The following CCDC66 variants were observed in gnomAD, a reference collection of about 807,000 sequenced individuals.
The protein encoded by CCDC66 is coiled-coil domain-containing protein 66.
A neutral mutation model predicts 128.3 loss-of-function variants in CCDC66; 133 were observed. That is an observed-to-expected ratio of 1.04 (90% CI 0.90 to 1.20). The LOEUF is 1.20. Among genes scored for constraint, CCDC66 ranks in the 50% most tolerant of loss-of-function variants. CCDC66 has a pLI of 0.00. For synonymous variants in CCDC66, 387 were observed against 357.0 expected, an observed-to-expected ratio of 1.08 and a Z score of -0.95; for missense variants, 1,126 against 1,075.5, an observed-to-expected ratio of 1.05 and a Z score of -0.66.
chr3:56,593,766 T>C, intron 9 of CCDC66, 25 bp downstream of exon 9: 1 of 1,603,364 alleles, frequency 6.2e-7, no homozygotes. Context: ...ATGTATTTAT[T>C]GACTTTTCAG....
At chr3:56,557,803 G>C (rs1410580549) in intron 1 of CCDC66, 1 of 152,816 alleles carries the variant, frequency 6.5e-6, no homozygotes, top group Non-Finnish European at 1.5e-5. Context: ...TTCATCACTC[G>C]CAAGTTTGAT....
At position 56,619,253 on chromosome 3, in the gene CCDC66, TA is replaced by T. The variant is rs774661642; in HGVS notation, c.2379-17del. 6.5e-7 allele frequency: 1 copy of T among 1,530,944 alleles called. No individual in the cohort carries two copies. Among genetic ancestry groups the T allele is most frequent in the South Asian group, 1.3e-5 (1 of 79,390 alleles). The allele number at this position is 1,530,944 out of a possible 1,614,324, so 94.8% of individuals were successfully genotyped here. The stretch of plus-strand genomic sequence containing the variant: ...TTAATCTAAATACACAATTTTTTAC[TA>T]TTTTTTTTTTAAATAGGTCTCCATC... On this transcript the variant is annotated splice_polypyrimidine_tract_variant and intron_variant, in intron 15 of 17. Transcript: ENST00000394672.
intron 5 of CCDC66, 33 bp downstream of exon 5, chr3:56,566,792 T>C: frequency 6.3e-7 from 1 of 1,586,320 alleles, no homozygotes. Context: ...TATTGTGTGG[T>C]CATCTTCAGA....
At chr3:56,576,097 T>A (rs978297984) in intron 7 of CCDC66, among the ~76,000 whole-genome samples, 1 of 151,674 alleles carries the variant, frequency 6.6e-6, no homozygotes, top group Non-Finnish European at 1.5e-5. Flanking sequence ...AGAGATTGCA[T>A]TGAAACTGTA....
chr3:56,597,637 T>C (rs868409982), intron 10 of CCDC66, among the ~76,000 whole-genome samples: 2 of 151,916 alleles, frequency 1.3e-5, no homozygotes, highest in Non-Finnish European at 2.9e-5. Context: ...GTAGCTATTG[T>C]AGGTGGGATT....
intron 7 of CCDC66, among the ~76,000 whole-genome samples, chr3:56,584,550 C>T (rs1191987911): frequency 6.7e-5 from 10 of 150,172 alleles, no homozygotes; most frequent in South Asian, 2.1e-4. Flanking sequence ...CGGGCAGAGA[C>T]GCTCCTCACT....
rs1411066734 is a variant in CCDC66 at position 56,621,280 on chromosome 3, A to AGTT, written c.2761-251_2761-249dup. The AGTT allele has an allele frequency of 1.1e-5, 3 of 285,462 alleles. No homozygotes were observed. In the South Asian group the frequency reaches 3.0e-4, roughly 29 times the overall value. 17.7% of individuals were successfully genotyped at this position (285,462 alleles called of 1,614,324 possible). A position where few individuals can be genotyped will look rare whatever the true frequency, so the allele number is the denominator to read the frequency against. ...AAGGGATGACTTCATTTACCCCCAT[A>AGTT]GTTATGGAGTCTTGAGTTCTAAGAA... On this transcript the variant is annotated intron_variant, in intron 17 of 17. Transcript: ENST00000394672.
At chr3:56,621,183 CA>C (rs144692611) in intron 17 of CCDC66, 53 of 151,366 alleles carry the variant, frequency 3.5e-4, no homozygotes, top group Non-Finnish European at 5.8e-4. Flanking sequence ...ACAACAACAA[CA>C]AAAAAAAAAC....
intron 7 of CCDC66, among the ~76,000 whole-genome samples, chr3:56,585,439 G>A (rs1255826372): frequency 1.3e-5 from 2 of 151,692 alleles, no homozygotes; most frequent in Non-Finnish European, 2.9e-5. Context: ...ATTATAAATA[G>A]CTTATAAAAA....
chr3:56,612,072 A>G (rs2074912085), intron 10 of CCDC66, among the ~76,000 whole-genome samples: 1 of 152,216 alleles, frequency 6.6e-6, no homozygotes, highest in African/African-American at 2.4e-5. Context: ...GCTGCAATCT[A>G]GTCCTGCCTC....
At chr3:56,592,203 A>G (rs1212509999) in intron 7 of CCDC66, among the ~76,000 whole-genome samples, 1 of 152,244 alleles carries the variant, frequency 6.6e-6, no homozygotes, top group Non-Finnish European at 1.5e-5. Context: ...ACATGATTCA[A>G]TAGGGAAAGT....
At chr3:56,602,674 G>A (rs1230681135) in intron 10 of CCDC66, among the ~76,000 whole-genome samples, 1 of 151,780 alleles carries the variant, frequency 6.6e-6, no homozygotes, top group Non-Finnish European at 1.5e-5. Flanking sequence ...GGTATCTTCA[G>A]GGATTCGTCT....
Position 56,583,641 on chromosome 3 carries a change from C to G in CCDC66, c.937-9329C>G, listed in dbSNP as rs543603617. On this transcript the variant is annotated intron_variant, in intron 7 of 17. Transcript: ENST00000394672. ...GCAAGGTCATAGATCAACAGCATCC[C>G]AAGGCAGAAGAATCTTTCTTAGTAC... Among the ~76,000 whole-genome samples the G allele has an allele frequency of 1.5e-4, 23 of 152,022 alleles. 1 individual carries two copies. The highest frequency in any genetic ancestry group is 5.5e-4 in the African/African-American group (23 of 41,554).
chr3:56,617,158 A>G lies in CCDC66; in HGVS notation c.1890A>G (p.Gly630=). The G allele has an allele frequency of 1.2e-6, 2 of 1,604,036 alleles. No homozygotes were observed. Among genetic ancestry groups the G allele is most frequent in the East Asian group, 2.2e-5 (1 of 44,688 alleles). The change falls in exon 14 of 18, where the codon GGA becomes GGG. Residue 630 remains glycine (G), a synonymous_variant. Transcript: ENST00000394672. ...TCACCAATGCAGAATCACATTGTGG[A>G]TCATTAATGGAGAGGGACATCACAA... is the stretch of plus-strand genomic sequence containing the variant. The part of the protein sequence containing the change: ...GIFTNAESHC[G]SLMERDITNC...
At chr3:56,577,252 C>T (rs921753753) in intron 7 of CCDC66, among the ~76,000 whole-genome samples, 2 of 151,748 alleles carry the variant, frequency 1.3e-5, no homozygotes, top group Non-Finnish European at 2.9e-5. Context: ...ATCCTTTGCC[C>T]ACTTTTTGAT....
rs751290871 is a variant in CCDC66, at chr3:56,615,116, C to T, written c.1567-12C>T. On this transcript the variant is annotated splice_polypyrimidine_tract_variant and intron_variant, in intron 11 of 17. Transcript: ENST00000394672. ...TTAATAGATGAATTTAGTAACACAT[C>T]AATATTGACAGGAAATCATGACTCT... The T allele has an allele frequency of 6.2e-7, 1 of 1,611,816 alleles. No individual in the cohort carries two copies. The highest frequency in any genetic ancestry group is 1.1e-5 in the South Asian group (1 of 90,572).
rs755251110 is a variant in CCDC66, at chr3:56,566,949, G to C, written c.711-1G>C. 6.2e-7 allele frequency: 1 copy of C among 1,611,238 alleles called. No individual in the cohort carries two copies. The highest frequency in any genetic ancestry group is 8.5e-7 in the Non-Finnish European group (1 of 1,177,832). On this transcript the variant is annotated splice_acceptor_variant, in intron 5 of 17. Coordinates refer to ENST00000394672, the MANE Select transcript of CCDC66 (RefSeq NM_001141947.3). LOFTEE classifies it high-confidence loss of function. The stretch of plus-strand genomic sequence containing the variant: ...CTGTTATCTTTTGTGTTTTACCTTA[G>C]AGAGAATGAATGGAAACCAGCTGAT...
intron 7 of CCDC66, among the ~76,000 whole-genome samples, chr3:56,586,408 G>A (rs1313409976): frequency 6.6e-6 from 1 of 151,554 alleles, no homozygotes; most frequent in Non-Finnish European, 1.5e-5. Context: ...GCGCACGCCT[G>A]TAATCCCAGC....
At chr3:56,587,879 A>G (rs2070095195) in intron 7 of CCDC66, among the ~76,000 whole-genome samples, 1 of 152,192 alleles carries the variant, frequency 6.6e-6, no homozygotes, top group African/African-American at 2.4e-5. Context: ...AATAAAAGTA[A>G]AATAAAAATA....
Sources: gnomAD v4.1 joint callset for allele counts (sites outside exome capture counted in the v4.1 genomes callset) on GRCh38, gnomAD v4.1.1 for gene constraint, MANE v1.5 for transcripts, NCBI Gene and HGNC (gene_info 2026-07-23, HGNC 2026-07-21) for gene names.